The following DAZAP1 variants were observed in gnomAD, a reference collection of about 807,000 sequenced individuals.
The protein encoded by DAZAP1 is DAZ-associated protein 1.
In DAZAP1, 6 loss-of-function variants were observed where a neutral mutation model predicts 60.1. That is an observed-to-expected ratio of 0.10 (90% CI 0.05 to 0.20). The LOEUF (loss-of-function observed/expected upper bound fraction) is 0.20, where lower values mean the gene tolerates loss of function less well. DAZAP1 is among the 10% of genes least tolerant of loss of function. The pLI, the probability that DAZAP1 is intolerant of heterozygous loss-of-function variation, is 1.00. For synonymous variants in DAZAP1, 235 were observed against 215.9 expected, an observed-to-expected ratio of 1.09 and a Z score of -0.78; for missense variants, 366 against 560.4, an observed-to-expected ratio of 0.65 and a Z score of 3.50.
At chr19:1,430,473 G>A in intron 10 of DAZAP1, 111 bp downstream of exon 10, 1 of 1,064,724 alleles carries the variant, frequency 9.4e-7, no homozygotes, top group South Asian at 2.0e-5. Context: ...GCCACAGGTG[G>A]GGTGCCGGCT....
intron 1 of DAZAP1, among the ~76,000 whole-genome samples, chr19:1,412,014 C>A (rs2082844915): frequency 6.6e-6 from 1 of 152,240 alleles, no homozygotes; most frequent in Non-Finnish European, 1.5e-5. Flanking sequence ...GGCTGAGCTT[C>A]CAGCTTGGCT....
chr19:1,410,166 G>A (rs2082784827), intron 1 of DAZAP1: 2 of 152,300 alleles, frequency 1.3e-5, no homozygotes, highest in Admixed American at 1.3e-4. Context: ...TGCTGGCTTA[G>A]AAGTCCATGT....
At chr19:1,408,120 G>C (rs1051897386) in intron 1 of DAZAP1, among the ~76,000 whole-genome samples, 1 of 151,680 alleles carries the variant, frequency 6.6e-6, no homozygotes. Context: ...ACGGCAACCT[G>C]GGGGGGTGTC....
In DAZAP1 at chr19:1,430,334, T is replaced by A. The variant is rs2083414887; in HGVS notation, c.843T>A (p.Pro281=). The change falls in exon 10 of 12, where the codon CCT becomes CCA. Residue 281 remains proline, a synonymous_variant. Coordinates refer to ENST00000233078, the MANE Select transcript of DAZAP1 (RefSeq NM_018959.4). ...PGGFPPPQGF[P]QGYGAPPQFS... ...GCTTTCCCCCTCCCCAGGGCTTCCCTCAGGGCTACGGTGCCCCGCCACAGT... is the reference window on the plus strand; with the variant it reads ...GCTTTCCCCCTCCCCAGGGCTTCCCACAGGGCTACGGTGCCCCGCCACAGT... The A allele has an allele frequency of 6.9e-7, 1 of 1,442,444 alleles. No individual in the cohort carries two copies. Among genetic ancestry groups the A allele is most frequent in the Admixed American group, 2.1e-5 (1 of 46,762 alleles). 89.4% of individuals were successfully genotyped at this position (1,442,444 alleles called of 1,614,324 possible). A position where few individuals can be genotyped will look rare whatever the true frequency, so the allele number is the denominator to read the frequency against.
chr19:1,430,991 G>A (rs918318568), intron 10 of DAZAP1, among the ~76,000 whole-genome samples: 2 of 151,926 alleles, frequency 1.3e-5, no homozygotes, highest in Non-Finnish European at 2.9e-5. Context: ...AAAGTGCTGG[G>A]ATTACAGGCG....
intron 1 of DAZAP1, among the ~76,000 whole-genome samples, chr19:1,408,252 G>C (rs1382023560): frequency 6.6e-6 from 1 of 152,156 alleles, no homozygotes; most frequent in Non-Finnish European, 1.5e-5. Flanking sequence ...CGGGAACTTG[G>C]GGGGGTCTGG....
chr19:1,421,790 C>T (rs751438833), intron 5 of DAZAP1, among the ~76,000 whole-genome samples: 16 of 152,218 alleles, frequency 1.1e-4, no homozygotes, highest in Non-Finnish European at 2.1e-4. Flanking sequence ...CTCCGAGCCC[C>T]GCCAGCAGGA....
Position 1,418,643 on chromosome 19 carries a change from A to G in DAZAP1, c.238-23A>G, listed in dbSNP as rs1339359491. ...GAGAAACAGCCTCTTATTCACAACC[A>G]GCTGATTTGAAATTTCCTGCAGATC... On this transcript the variant is annotated intron_variant, in intron 3 of 11. Coordinates refer to ENST00000233078, the MANE Select transcript of DAZAP1 (RefSeq NM_018959.4). The surrounding 1 kb of genome is among the most constrained non-coding windows in gnomAD (Gnocchi z 5.7). 6 of 1,613,774 alleles carry G rather than the reference A, an allele frequency of 3.7e-6. No individual in the cohort carries two copies. In the South Asian group the frequency reaches 6.6e-5, roughly 18 times the overall value.
chr19:1,410,145 G>C (rs1313935882), intron 1 of DAZAP1: 1 of 152,284 alleles, frequency 6.6e-6, no homozygotes, highest in East Asian at 1.9e-4. Context: ...CCCAAGTTTT[G>C]AGGGTCCCTG....
chr19:1,417,117 C>A, intron 1 of DAZAP1: 1 of 255,260 alleles, frequency 3.9e-6, no homozygotes, highest in Non-Finnish European at 7.6e-6. Context: ...TAGACTTCTA[C>A]ATTCTTTTTC....
chr19:1,418,554 G>A lies in DAZAP1; in HGVS notation c.238-112G>A, dbSNP rs540535662. ...AGGAGGATACAGGGTGAATGGAGCC[G>A]GCGGGGCGGGGCGGGCCGGGCTGCT... is the stretch of plus-strand genomic sequence containing the variant. On this transcript the variant is annotated intron_variant, in intron 3 of 11. Coordinates refer to ENST00000233078, the MANE Select transcript of DAZAP1 (RefSeq NM_018959.4). This position sits in a 1 kb window ranked among gnomAD's most constrained non-coding sequence, Gnocchi z 5.7. 52 of 1,449,144 alleles carry A rather than the reference G, an allele frequency of 3.6e-5. No homozygotes were observed. The highest frequency in any genetic ancestry group is 1.1e-4 in the East Asian group (5 of 43,860). The allele number at this position is 1,449,144 out of a possible 1,614,324, so 89.8% of individuals were successfully genotyped here.
In DAZAP1 at chr19:1,434,463, A is replaced by C; in HGVS notation, c.1049-274A>C. The C allele has an allele frequency of 1.3e-5, 5 of 386,592 alleles. No individual in the cohort carries two copies. Among genetic ancestry groups the C allele is most frequent in the Non-Finnish European group, 2.4e-5 (5 of 212,676 alleles). The allele number at this position is 386,592 out of a possible 1,614,324, so 23.9% of individuals were successfully genotyped here. A position where few individuals can be genotyped will look rare whatever the true frequency, so the allele number is the denominator to read the frequency against. On this transcript the variant is annotated intron_variant, in intron 11 of 11. Transcript: ENST00000233078. This position sits in a 1 kb window ranked among gnomAD's most constrained non-coding sequence, Gnocchi z 8.0. ...TCACCCCCCCAACCACGTCTTCGGG[A>C]TTGAACAGGGAAGCGGTGAGGTTAC...
Position 1,407,701 on chromosome 19 carries a change from G to A in DAZAP1, c.-73G>A, listed in dbSNP as rs990196128. The A allele has an allele frequency of 8.9e-5, 93 of 1,047,482 alleles. No individual in the cohort carries two copies. The highest frequency in any genetic ancestry group is 3.5e-4 in the African/African-American group (20 of 57,804). 64.9% of individuals were successfully genotyped at this position (1,047,482 alleles called of 1,614,324 possible). A position where few individuals can be genotyped will look rare whatever the true frequency, so the allele number is the denominator to read the frequency against. ...GGCCGCGGCTGTGGGGAGGGCGACG[G>A]AGCGGGTGACCTTCCGGAGGCGGGA... On this transcript the variant is annotated 5_prime_UTR_variant, in exon 1 of 12. Coordinates refer to ENST00000233078, the MANE Select transcript of DAZAP1 (RefSeq NM_018959.4).
rs942970116 is a variant in DAZAP1, at chr19:1,433,465, C to T, written c.1048+775C>T. ...TTCCGGGGTGCCTGTGAACACGCTT[C>T]CTCTAGGCCTGGTGGAGGCCGGGGT... On this transcript the variant is annotated intron_variant, in intron 11 of 11. Coordinates refer to ENST00000233078, the MANE Select transcript of DAZAP1 (RefSeq NM_018959.4). The surrounding 1 kb of genome is among the most constrained non-coding windows in gnomAD (Gnocchi z 6.1). The T allele has an allele frequency of 6.2e-6, 3 of 484,190 alleles. No homozygotes were observed. The highest frequency in any genetic ancestry group is 5.9e-5 in the African/African-American group (3 of 50,594). 30.0% of individuals were successfully genotyped at this position (484,190 alleles called of 1,614,324 possible).
intron 1 of DAZAP1, among the ~76,000 whole-genome samples, chr19:1,412,218 G>A (rs1441815107): frequency 6.6e-6 from 1 of 152,180 alleles, no homozygotes; most frequent in Non-Finnish European, 1.5e-5. Flanking sequence ...CTGGAGGGGG[G>A]GCATCTGACC....
rs1363789741 is a variant in DAZAP1, at chr19:1,432,850, C to T, written c.1048+160C>T. ...GGTGTGGGGGTTGTTGGAGAGATCT[C>T]GTGGCAACTCGGGTCCAGCAGAAGG... On this transcript the variant is annotated intron_variant, in intron 11 of 11. Transcript: ENST00000233078. The surrounding 1 kb of genome is among the most constrained non-coding windows in gnomAD (Gnocchi z 4.9). 2.5e-5 allele frequency: 19 copies of T among 764,170 alleles called. No homozygotes were observed. Among genetic ancestry groups the T allele is most frequent in the Non-Finnish European group, 3.3e-5 (16 of 485,792 alleles). The allele number at this position is 764,170 out of a possible 1,614,324, so 47.3% of individuals were successfully genotyped here.
At position 1,418,430 on chromosome 19, in the gene DAZAP1, C is replaced by A. The variant is rs2083050616; in HGVS notation, c.237+60C>A. 6.3e-7 allele frequency: 1 copy of A among 1,585,838 alleles called. No individual in the cohort carries two copies. Among genetic ancestry groups the A allele is most frequent in the African/African-American group, 1.3e-5 (1 of 74,190 alleles). ...TGTCTCCCCTGTCCTTCCTCTGCTTCATTTTTTCCTGGACTCTGACCGATG... is the reference window on the plus strand; with the variant it reads ...TGTCTCCCCTGTCCTTCCTCTGCTTAATTTTTTCCTGGACTCTGACCGATG... On this transcript the variant is annotated intron_variant, in intron 3 of 11. Transcript: ENST00000233078. The surrounding 1 kb of genome is among the most constrained non-coding windows in gnomAD (Gnocchi z 5.7).
Position 1,434,489 on chromosome 19 carries a change from G to A in DAZAP1, c.1049-248G>A, listed in dbSNP as rs895434248. 6.4e-6 allele frequency: 3 copies of A among 471,332 alleles called. No individual in the cohort carries two copies. The highest frequency in any genetic ancestry group is 1.1e-5 in the Non-Finnish European group (3 of 264,154). 29.2% of individuals were successfully genotyped at this position (471,332 alleles called of 1,614,324 possible). On this transcript the variant is annotated intron_variant, in intron 11 of 11. Transcript: ENST00000233078. This position sits in a 1 kb window ranked among gnomAD's most constrained non-coding sequence, Gnocchi z 8.0. ...TTGAACAGGGAAGCGGTGAGGTTAC[G>A]TGGGCCATGGAGGGCTCTGGAAGCC... is the stretch of plus-strand genomic sequence containing the variant.
rs1178852078 is a variant in DAZAP1, at chr19:1,432,718, C to T, written c.1048+28C>T. On this transcript the variant is annotated intron_variant, in intron 11 of 11. Coordinates refer to ENST00000233078, the MANE Select transcript of DAZAP1 (RefSeq NM_018959.4). This position sits in a 1 kb window ranked among gnomAD's most constrained non-coding sequence, Gnocchi z 4.9. The stretch of plus-strand genomic sequence containing the variant: ...AAGTGGTCTCCTGCCATGCCGCGTC[C>T]CCGCTGGCCCCAGGACCCTGGGCAC... 2 of 1,562,792 alleles carry T rather than the reference C, an allele frequency of 1.3e-6. No individual in the cohort carries two copies. The highest frequency in any genetic ancestry group is 2.3e-5 in the East Asian group (1 of 44,218).
Sources: gnomAD v4.1 joint callset for allele counts (sites outside exome capture counted in the v4.1 genomes callset) on GRCh38, gnomAD v4.1.1 for gene constraint, Gnocchi (gnomAD v3.1) non-coding constraint, MANE v1.5 for transcripts, NCBI Gene and HGNC (gene_info 2026-07-23, HGNC 2026-07-21) for gene names.